Variants in SRGAP1 observed in about 807,000 individuals in gnomAD.
SRGAP1 encodes the protein SLIT-ROBO Rho GTPase-activating protein 1.
SRGAP1 carries 43 observed loss-of-function variants against 121.9 expected under a neutral mutation model. The ratio of observed to expected loss-of-function variants is 0.35; its 90% CI spans 0.28 to 0.46. The LOEUF (loss-of-function observed/expected upper bound fraction) is 0.46, where lower values mean the gene tolerates loss of function less well. Ranked by LOEUF, SRGAP1 falls within the 20% of genes least tolerant of loss-of-function variation. The pLI, the probability that SRGAP1 is intolerant of heterozygous loss-of-function variation, is 1.00. For missense variants in SRGAP1, 1,102 were observed against 1,350.9 expected (o/e 0.82, Z 2.89); for synonymous variants, 447 against 485.4 (o/e 0.92, Z 1.04).
intron 1 of SRGAP1, among the ~76,000 whole-genome samples, chr12:63,847,667 AC>A (rs1898945584): frequency 1.3e-5 from 2 of 151,696 alleles, no homozygotes; most frequent in Admixed American, 1.3e-4. Context: ...AATTGCTTGA[AC>A]CCGGGAGGCA....
At chr12:63,884,410 G>A in intron 1 of SRGAP1, among the ~76,000 whole-genome samples, 1 of 152,106 alleles carries the variant, frequency 6.6e-6, no homozygotes. Flanking sequence ...TTAAATTGAT[G>A]CATTGTAGTT....
intron 3 of SRGAP1, among the ~76,000 whole-genome samples, chr12:63,990,881 G>A (rs557132433): frequency 6.6e-6 from 1 of 152,338 alleles, no homozygotes; most frequent in South Asian, 2.1e-4. Context: ...AGTAGAGGCT[G>A]TGAGAGAGCG....
At chr12:64,121,007 C>CTTTTTTTTTTTT (rs35809572) in intron 18 of SRGAP1, among the ~76,000 whole-genome samples, 1 of 116,010 alleles carries the variant, frequency 8.6e-6, no homozygotes, top group African/African-American at 3.1e-5. Flanking sequence ...TTCTTTGTGT[C>CTTTTTTTTTTTT]TTTTTTTTTT....
At chr12:63,896,653 TA>T (rs1447857255) in intron 1 of SRGAP1, among the ~76,000 whole-genome samples, 2 of 152,206 alleles carry the variant, frequency 1.3e-5, no homozygotes, top group Non-Finnish European at 2.9e-5. Flanking sequence ...GGAGTATTAG[TA>T]AATGATGTTT....
Position 64,095,215 on chromosome 12 carries a change from G to A in SRGAP1, c.1678+11G>A, listed in dbSNP as rs193260396. 360 of 1,612,000 alleles carry A rather than the reference G, an allele frequency of 2.2e-4. No individual in the cohort carries two copies. In the African/African-American group the frequency reaches 2.7e-3, roughly 12 times the overall value. On this transcript the variant is annotated intron_variant, in intron 14 of 21. Transcript: ENST00000355086. ...ATTCATTTGAGAGAGGTAATTGCAC[G>A]TCTATCCCTATAAGCAAACCACGTT...
chr12:63,949,195 C>T (rs1156322887), intron 1 of SRGAP1, among the ~76,000 whole-genome samples: 1 of 123,710 alleles, frequency 8.1e-6, no homozygotes. Context: ...ATTTTTTTTT[C>T]CATATATATA....
intron 4 of SRGAP1, among the ~76,000 whole-genome samples, chr12:64,035,137 C>T (rs1329888155): frequency 6.6e-6 from 1 of 151,496 alleles, no homozygotes; most frequent in East Asian, 1.9e-4. Flanking sequence ...AACTGAGAAA[C>T]AGAGACATCC....
At chr12:63,870,824 C>T (rs1899827311) in intron 1 of SRGAP1, among the ~76,000 whole-genome samples, 1 of 152,096 alleles carries the variant, frequency 6.6e-6, no homozygotes, top group Non-Finnish European at 1.5e-5. Context: ...CCATTGAGTC[C>T]AATGTGTCCC....
rs202230735 is a variant in SRGAP1, at chr12:63,886,438, CT to C, written c.67+41563del. ...TGTAATTTGAGCCAAAGTAAAAACC[CT>C]TTTTTTTACTTTTTTATTTTAGAAA... On this transcript the variant is annotated intron_variant, in intron 1 of 21. Coordinates refer to ENST00000355086, the MANE Select transcript of SRGAP1 (RefSeq NM_020762.4). Among the ~76,000 whole-genome samples, 10 of 150,344 alleles carry C rather than the reference CT, an allele frequency of 6.7e-5. 1 individual carries two copies. The highest frequency in any genetic ancestry group is 2.5e-4 in the African/African-American group (10 of 40,024).
chr12:63,949,145 TCATATATGTA>T (rs1316472988), intron 1 of SRGAP1, among the ~76,000 whole-genome samples: 43 of 146,354 alleles, frequency 2.9e-4, no homozygotes, highest in African/African-American at 9.5e-4. Context: ...ATATATACAT[TCATATATGTA>T]TTTTCCATAT....
At chr12:63,870,707 T>C (rs1194729348) in intron 1 of SRGAP1, among the ~76,000 whole-genome samples, 1 of 151,926 alleles carries the variant, frequency 6.6e-6, no homozygotes, top group African/African-American at 2.4e-5. Context: ...GCCCAACTAA[T>C]TTTTGTATTT....
rs533080248 is a variant in SRGAP1, at chr12:64,052,390, T to C, written c.801+8815T>C. Among the ~76,000 whole-genome samples, 9 of 152,156 alleles carry C rather than the reference T, an allele frequency of 5.9e-5. No individual in the cohort carries two copies. The South Asian group carries it at 1.7e-3, about 28-fold the overall frequency. ...CAACATGGTGAAACCCTGTCTCTAC[T>C]AAAAATACAAAAACATTAGCCAGGC... On this transcript the variant is annotated intron_variant, in intron 6 of 21. Transcript: ENST00000355086.
rs867594668 is a variant in SRGAP1, at chr12:63,909,609, G to C, written c.67+64726G>C. Reference sequence around the variant, plus strand: ...CTTTTTTGTACATGGCTCTGCTGTCGTATTTATACTATATACCAGAATTGT... The same window carrying C: ...CTTTTTTGTACATGGCTCTGCTGTCCTATTTATACTATATACCAGAATTGT... On this transcript the variant is annotated intron_variant, in intron 1 of 21. Coordinates refer to ENST00000355086, the MANE Select transcript of SRGAP1 (RefSeq NM_020762.4). Among the ~76,000 whole-genome samples the C allele has an allele frequency of 1.3e-5, 2 of 152,164 alleles. 1 individual carries two copies. Among genetic ancestry groups the C allele is most frequent in the South Asian group, 4.1e-4 (2 of 4,826 alleles).
intron 4 of SRGAP1, among the ~76,000 whole-genome samples, chr12:64,027,777 A>T (rs190012615): frequency 1.3e-5 from 2 of 151,952 alleles, no homozygotes; most frequent in East Asian, 1.9e-4. Context: ...TGTTGTTCCA[A>T]TAAAAGGAGT....
chr12:63,919,517 TA>T (rs2030952154), intron 1 of SRGAP1, among the ~76,000 whole-genome samples: 1 of 139,192 alleles, frequency 7.2e-6, no homozygotes, highest in African/African-American at 2.7e-5. Flanking sequence ...TATATATATA[TA>T]TATACACATA....
At chr12:63,859,308 C>T (rs909767406) in intron 1 of SRGAP1, among the ~76,000 whole-genome samples, 14 of 151,926 alleles carry the variant, frequency 9.2e-5, no homozygotes, top group African/African-American at 1.5e-4. Context: ...TACAGGTATG[C>T]ACCACCATGC....
chr12:64,114,331 C>CTTT (rs957049187), intron 17 of SRGAP1, among the ~76,000 whole-genome samples: 28 of 89,250 alleles, frequency 3.1e-4, no homozygotes, highest in Non-Finnish European at 4.2e-4. Flanking sequence ...ATATGGTTAG[C>CTTT]TTTTTTTTTT....
intron 11 of SRGAP1, among the ~76,000 whole-genome samples, chr12:64,088,388 C>T (rs1283670176): frequency 6.6e-6 from 1 of 151,988 alleles, no homozygotes; most frequent in Non-Finnish European, 1.5e-5. Flanking sequence ...TAAGGCACTT[C>T]AAAAAAAGAG....
intron 3 of SRGAP1, among the ~76,000 whole-genome samples, chr12:63,997,413 T>C (rs2033744083): frequency 6.6e-6 from 1 of 152,138 alleles, no homozygotes; most frequent in South Asian, 2.1e-4. Context: ...AATATGTCTC[T>C]GTGGTTAAGT....
Sources: allele counts gnomAD v4.1 joint callset (sites outside exome capture counted in the v4.1 genomes callset), GRCh38; gene constraint gnomAD v4.1.1; transcripts MANE v1.5; gene names NCBI Gene and HGNC (gene_info 2026-07-23, HGNC 2026-07-21).